The following ADGRV1 variants were observed in gnomAD, a reference collection of about 807,000 sequenced individuals.
The protein encoded by ADGRV1 is adhesion G protein-coupled receptor V1.
In ADGRV1, 359 loss-of-function variants were observed where a neutral mutation model predicts 596.2. The ratio of observed to expected loss-of-function variants is 0.60; its 90% CI spans 0.55 to 0.66. ADGRV1 has a LOEUF of 0.66. Among genes scored for constraint, ADGRV1 ranks in the 30% least tolerant of loss-of-function variants. The probability of loss-of-function intolerance (pLI) is 0.00; values close to 1 mark genes in which losing one functional copy is unlikely to be tolerated. For missense variants in ADGRV1, 7,274 were observed against 7,575.6 expected (o/e 0.96, Z 1.48); for synonymous variants, 2,681 against 2,679.2 (o/e 1.00, Z -0.02).
At chr5:91,112,502 C>A (rs1792461917) in intron 87 of ADGRV1, among the ~76,000 whole-genome samples, 2 of 152,170 alleles carry the variant, frequency 1.3e-5, no homozygotes, top group African/African-American at 4.8e-5. Context: ...AAGATTTAAA[C>A]TAAACAAGAT....
intron 87 of ADGRV1, among the ~76,000 whole-genome samples, chr5:91,105,800 G>A (rs923631487): frequency 9.9e-5 from 15 of 152,056 alleles, no homozygotes; most frequent in South Asian, 4.2e-4. Flanking sequence ...GCTGTGCAGA[G>A]GCTTTTTAGT....
intron 1 of ADGRV1, among the ~76,000 whole-genome samples, chr5:90,601,477 A>C (rs2152024101): frequency 6.6e-6 from 1 of 152,344 alleles, no homozygotes; most frequent in South Asian, 2.1e-4. Context: ...GAATCTTAAA[A>C]GAATACCGTA....
chr5:90,735,118 T>TG (rs1360422178), intron 50 of ADGRV1, among the ~76,000 whole-genome samples: 2 of 152,270 alleles, frequency 1.3e-5, no homozygotes, highest in Non-Finnish European at 2.9e-5. Flanking sequence ...ATTAATGTCA[T>TG]GGGGATATTC....
chr5:90,782,883 A>G (rs763364057), intron 65 of ADGRV1, among the ~76,000 whole-genome samples: 4 of 152,172 alleles, frequency 2.6e-5, no homozygotes, highest in Non-Finnish European at 5.9e-5. Flanking sequence ...TACTGATTAA[A>G]TACATTGTTT....
chr5:90,935,084 T>C (rs1161151802), intron 83 of ADGRV1, among the ~76,000 whole-genome samples: 1 of 152,212 alleles, frequency 6.6e-6, no homozygotes, highest in Non-Finnish European at 1.5e-5. Flanking sequence ...AACAGTTTTG[T>C]TTTGTTTTCC....
intron 22 of ADGRV1, 146 bp from the exon 23 acceptor site, chr5:90,673,908 A>G: frequency 1.6e-6 from 1 of 611,268 alleles, no homozygotes; most frequent in South Asian, 2.2e-5. Context: ...ACACACATAC[A>G]ATGTTTTAAT....
intron 85 of ADGRV1, among the ~76,000 whole-genome samples, chr5:91,029,431 A>C (rs965580879): frequency 2.0e-5 from 3 of 152,206 alleles, no homozygotes; most frequent in Non-Finnish European, 4.4e-5. Flanking sequence ...TATAAACAGT[A>C]GTTCAATGAA....
intron 84 of ADGRV1, among the ~76,000 whole-genome samples, chr5:90,979,186 T>G (rs1428333408): frequency 6.6e-6 from 1 of 151,920 alleles, no homozygotes; most frequent in Non-Finnish European, 1.5e-5. Flanking sequence ...TTTTTCTTTT[T>G]GAGATGGGGT....
At chr5:90,896,767 C>G (rs761693816) in intron 83 of ADGRV1, among the ~76,000 whole-genome samples, 5 of 152,098 alleles carry the variant, frequency 3.3e-5, no homozygotes, top group African/African-American at 7.2e-5. Context: ...AAATAAATAT[C>G]TCATGTAAAT....
At chr5:90,820,449 T>A (rs1763370419) in intron 75 of ADGRV1, among the ~76,000 whole-genome samples, 1 of 152,000 alleles carries the variant, frequency 6.6e-6, no homozygotes, top group Non-Finnish European at 1.5e-5. Context: ...GTGAATTTGA[T>A]CCTGTCATTA....
At chr5:90,649,831 T>C (rs1470548566) in intron 17 of ADGRV1, among the ~76,000 whole-genome samples, 1 of 152,116 alleles carries the variant, frequency 6.6e-6, no homozygotes, top group Non-Finnish European at 1.5e-5. Flanking sequence ...GTTTGTGAAA[T>C]ATGTCATTGG....
chr5:91,102,025 C>A (rs1417246447), intron 86 of ADGRV1, among the ~76,000 whole-genome samples, 194 bp from the exon 87 acceptor site: 3 of 152,142 alleles, frequency 2.0e-5, no homozygotes, highest in Admixed American at 6.6e-5. Context: ...CTGGGCCTAC[C>A]AGCAGCCCCA....
chr5:90,677,660 A>G lies in ADGRV1; in HGVS notation c.5443+1451A>G, dbSNP rs561181433. Among the ~76,000 whole-genome samples the G allele has an allele frequency of 2.0e-5, 3 of 152,320 alleles. No individual in the cohort carries two copies. In the East Asian group the frequency reaches 5.8e-4, roughly 29 times the overall value. On this transcript the variant is annotated intron_variant, in intron 25 of 89. Coordinates refer to ENST00000405460, the MANE Select transcript of ADGRV1 (RefSeq NM_032119.4). The stretch of plus-strand genomic sequence containing the variant: ...TGTGATCATATGACCACTTATAGTG[A>G]CACTTGTTATATTATTGAGAAACTT...
intron 6 of ADGRV1, 41 bp downstream of exon 6, chr5:90,625,284 T>A (rs746306894): frequency 3.9e-6 from 5 of 1,280,386 alleles, no homozygotes; most frequent in Non-Finnish European, 1.1e-6. Context: ...AAGGATTCTG[T>A]GTTGCAGGAC....
rs532197466 is a variant in ADGRV1, at chr5:91,137,786, C to T, written c.18433-12244C>T. Among the ~76,000 whole-genome samples, 12 of 152,276 alleles carry T rather than the reference C, an allele frequency of 7.9e-5. No homozygotes were observed. The South Asian group carries it at 2.5e-3, about 32-fold the overall frequency. ...GCCATGAAACACTTTGGAGGCAAGA[C>T]CAAGCCTGTTCTGTTCACTGCCTGC... On this transcript the variant is annotated intron_variant, in intron 87 of 89. Transcript: ENST00000405460.
At chr5:90,737,485 G>A (rs1039919610) in intron 50 of ADGRV1, among the ~76,000 whole-genome samples, 1 of 151,890 alleles carries the variant, frequency 6.6e-6, no homozygotes, top group African/African-American at 2.4e-5. Flanking sequence ...TTTTCTTATT[G>A]ATGTGCTGTC....
intron 29 of ADGRV1, among the ~76,000 whole-genome samples, chr5:90,689,304 A>G (rs543139564): frequency 4.7e-5 from 7 of 148,662 alleles, no homozygotes; most frequent in Non-Finnish European, 1.0e-4. Flanking sequence ...CAGTCTTCAC[A>G]TGAAGCACCC....
intron 82 of ADGRV1, among the ~76,000 whole-genome samples, chr5:90,856,553 A>G (rs946438954): frequency 6.6e-6 from 1 of 152,166 alleles, no homozygotes; most frequent in African/African-American, 2.4e-5. Flanking sequence ...TCCTTAAACT[A>G]TAATTCTATA....
At chr5:90,860,099 T>A (rs940409824) in intron 82 of ADGRV1, among the ~76,000 whole-genome samples, 11 of 151,312 alleles carry the variant, frequency 7.3e-5, no homozygotes, top group Non-Finnish European at 1.3e-4. Context: ...TCTTAAAAAA[T>A]AATAATAATA....
Sources: gnomAD v4.1 joint callset for allele counts (sites outside exome capture counted in the v4.1 genomes callset) on GRCh38, gnomAD v4.1.1 for gene constraint, MANE v1.5 for transcripts, NCBI Gene and HGNC (gene_info 2026-07-23, HGNC 2026-07-21) for gene names.